HSD17B2: variants seen among roughly 807,000 people sequenced by gnomAD.
HSD17B2 encodes 17-beta-hydroxysteroid dehydrogenase type 2.
A neutral mutation model predicts 26.9 loss-of-function variants in HSD17B2; 32 were observed. The observed-to-expected ratio is 1.19, with a 90% confidence interval of 0.90 to 1.60. The LOEUF (loss-of-function observed/expected upper bound fraction) is 1.60, where lower values mean the gene tolerates loss of function less well. Among genes scored for constraint, HSD17B2 ranks in the 40% most tolerant of loss-of-function variants. The probability of loss-of-function intolerance (pLI) is 0.00; values close to 1 mark genes in which losing one functional copy is unlikely to be tolerated. For synonymous variants in HSD17B2, 246 were observed against 186.7 expected, an observed-to-expected ratio of 1.32 and a Z score of -2.59; for missense variants, 613 against 468.6, an observed-to-expected ratio of 1.31 and a Z score of -2.85.
chr16:82,045,704 A>T (rs1567577959), intron 1 of HSD17B2, among the ~76,000 whole-genome samples: 1 of 152,194 alleles, frequency 6.6e-6, no homozygotes, highest in Admixed American at 6.5e-5. Context: ...CTCTTTTTGT[A>T]GCAGACTTGC....
In HSD17B2 at chr16:82,068,277, C is replaced by A. The variant is rs140436659; in HGVS notation, c.373C>A (p.Arg125=). 8 of 1,613,676 alleles carry A rather than the reference C, an allele frequency of 5.0e-6. No individual in the cohort carries two copies. In the African/African-American group the frequency reaches 5.3e-5, roughly 11 times the overall value. The change falls in exon 2 of 5, where the codon CGA becomes AGA. Residue 125 remains arginine, a synonymous_variant. Transcript: ENST00000199936. ...AAATGGCCCAGGAGCTGAGGAATTG[C>A]GAAGAACCTGCTCTCCGCGCCTCTC... The part of the protein sequence containing the change: ...NENGPGAEEL[R]RTCSPRLSVL...
chr16:82,085,589 C>A (rs1168663018), intron 3 of HSD17B2, among the ~76,000 whole-genome samples: 1 of 151,920 alleles, frequency 6.6e-6, no homozygotes, highest in Non-Finnish European at 1.5e-5. Flanking sequence ...AAAAAAAAAC[C>A]CTAACTCTGT....
At chr16:82,075,545 T>C (rs1597133918) in intron 3 of HSD17B2, among the ~76,000 whole-genome samples, 2 of 151,954 alleles carry the variant, frequency 1.3e-5, no homozygotes, top group East Asian at 1.9e-4. Flanking sequence ...TTACAACCAA[T>C]ACCACAGAAA....
rs143965786 is a variant in HSD17B2, at chr16:82,079,103, G to T, written c.664+7976G>T. Among the ~76,000 whole-genome samples the T allele has an allele frequency of 1.2e-3, 177 of 152,228 alleles. 2 individuals carry two copies. Among genetic ancestry groups the T allele is most frequent in the African/African-American group, 4.2e-3 (175 of 41,540 alleles). ...CCATTTGCCCTGATGTGATTATTAT[G>T]TATTGCATGCTTGTATCAAAACACC... On this transcript the variant is annotated intron_variant, in intron 3 of 4. Coordinates refer to ENST00000199936, the MANE Select transcript of HSD17B2 (RefSeq NM_002153.3).
At chr16:82,066,644 T>TTTTTA (rs540992287) in intron 1 of HSD17B2, among the ~76,000 whole-genome samples, 1 of 152,190 alleles carries the variant, frequency 6.6e-6, no homozygotes, top group Non-Finnish European at 1.5e-5. Context: ...TCCAAATTCT[T>TTTTTA]TTTTATTTTA....
chr16:82,063,294 G>T (rs1236708160), intron 1 of HSD17B2: 1 of 152,150 alleles, frequency 6.6e-6, no homozygotes, highest in Non-Finnish European at 1.5e-5. Context: ...TTTTTAAAAA[G>T]ACTGATGTAG....
intron 3 of HSD17B2, among the ~76,000 whole-genome samples, chr16:82,076,607 G>A (rs964096421): frequency 4.6e-5 from 7 of 152,080 alleles, no homozygotes; most frequent in African/African-American, 9.7e-5. Flanking sequence ...ACAGAGTCTC[G>A]CTCTGTTGCC....
At chr16:82,084,808 C>T (rs909333019) in intron 3 of HSD17B2, among the ~76,000 whole-genome samples, 2 of 152,198 alleles carry the variant, frequency 1.3e-5, no homozygotes, top group Non-Finnish European at 2.9e-5. Flanking sequence ...TAGTAGCTCT[C>T]TATAACCTTG....
At chr16:82,094,186 G>A (rs904156708) in intron 4 of HSD17B2, 9 of 151,946 alleles carry the variant, frequency 5.9e-5, no homozygotes, top group Non-Finnish European at 1.0e-4. Context: ...TAACCTCCAG[G>A]GAATGCAGCC....
At chr16:82,072,056 G>C (rs1305250950) in intron 3 of HSD17B2, 1 of 152,178 alleles carries the variant, frequency 6.6e-6, no homozygotes, top group African/African-American at 2.4e-5. Context: ...GAATGATTTG[G>C]TCAGGGAGGG....
chr16:82,047,947 G>GAT (rs1913986103), intron 1 of HSD17B2, among the ~76,000 whole-genome samples: 1 of 152,198 alleles, frequency 6.6e-6, no homozygotes, highest in Admixed American at 6.5e-5. Flanking sequence ...ACAATGAAGA[G>GAT]AAACCATAGG....
intron 4 of HSD17B2, chr16:82,095,200 G>C (rs1330636427): frequency 6.6e-6 from 1 of 152,234 alleles, no homozygotes; most frequent in Non-Finnish European, 1.5e-5. Flanking sequence ...GGAGAGGTAG[G>C]AGGAGGAATA....
At chr16:82,057,902 G>A (rs1411107297) in intron 1 of HSD17B2, among the ~76,000 whole-genome samples, 1 of 152,098 alleles carries the variant, frequency 6.6e-6, no homozygotes, top group Non-Finnish European at 1.5e-5. Flanking sequence ...ATCACTAAAT[G>A]TAACACAATG....
chr16:82,062,639 G>C (rs1914471383), intron 1 of HSD17B2, among the ~76,000 whole-genome samples: 1 of 152,226 alleles, frequency 6.6e-6, no homozygotes, highest in Admixed American at 6.5e-5. Context: ...GTAAATGGGT[G>C]ATGGTAACAT....
At position 82,090,763 on chromosome 16, in the gene HSD17B2, C is replaced by G. The variant is rs566892842; in HGVS notation, c.665-139C>G. 47 of 749,470 alleles carry G rather than the reference C, an allele frequency of 6.3e-5. No individual in the cohort carries two copies. The South Asian group carries it at 8.4e-4, about 13-fold the overall frequency. The allele number at this position is 749,470 out of a possible 1,614,324, so 46.4% of individuals were successfully genotyped here. On this transcript the variant is annotated intron_variant, in intron 3 of 4. Coordinates refer to ENST00000199936, the MANE Select transcript of HSD17B2 (RefSeq NM_002153.3). The stretch of plus-strand genomic sequence containing the variant: ...TGAGCAAGAACATTGCTCACCTGGG[C>G]TCAGGGGGCCTTGCCTGCCTTTGTC...
intron 3 of HSD17B2, among the ~76,000 whole-genome samples, chr16:82,079,671 T>G (rs1904330946): frequency 6.6e-6 from 1 of 152,084 alleles, no homozygotes; most frequent in African/African-American, 2.4e-5. Context: ...GAGAACACAG[T>G]GAGGGGCTCT....
intron 3 of HSD17B2, among the ~76,000 whole-genome samples, chr16:82,080,981 T>C (rs1904363423): frequency 6.6e-6 from 1 of 152,116 alleles, no homozygotes; most frequent in Non-Finnish European, 1.5e-5. Context: ...GGTCTTCAGT[T>C]GCCAGCCACC....
intron 1 of HSD17B2, among the ~76,000 whole-genome samples, chr16:82,042,779 G>C (rs1913801757): frequency 6.6e-6 from 1 of 151,916 alleles, no homozygotes; most frequent in Non-Finnish European, 1.5e-5. Context: ...CCACCACCAT[G>C]CTCAGCTAAT....
At position 82,090,890 on chromosome 16, in the gene HSD17B2, T is replaced by A; in HGVS notation, c.665-12T>A. ...TCTAACTTTGCTTCTTTTTCTCCCATTATTCCCATAGGAGGGGCCCCAATG... is the reference window on the plus strand; with the variant it reads ...TCTAACTTTGCTTCTTTTTCTCCCAATATTCCCATAGGAGGGGCCCCAATG... On this transcript the variant is annotated splice_polypyrimidine_tract_variant and intron_variant, in intron 3 of 4. Transcript: ENST00000199936. 6.3e-7 allele frequency: 1 copy of A among 1,598,146 alleles called. No homozygotes were observed. The highest frequency in any genetic ancestry group is 8.5e-7 in the Non-Finnish European group (1 of 1,173,904).
Sources: allele counts gnomAD v4.1 joint callset (sites outside exome capture counted in the v4.1 genomes callset), GRCh38; gene constraint gnomAD v4.1.1; transcripts MANE v1.5; gene names NCBI Gene and HGNC (gene_info 2026-07-23, HGNC 2026-07-21).